The following BRD2 variants were observed in gnomAD, a reference collection of about 807,000 sequenced individuals.
BRD2 encodes bromodomain-containing protein 2.
Under a neutral mutation model 79.1 loss-of-function variants are expected in BRD2, and 15 were observed. The ratio of observed to expected loss-of-function variants is 0.19; its 90% CI spans 0.13 to 0.29. BRD2 has a LOEUF of 0.29. Among genes scored for constraint, BRD2 ranks in the 10% least tolerant of loss-of-function variants. The pLI is 1.00. For synonymous variants in BRD2, 488 were observed against 358.6 expected, an observed-to-expected ratio of 1.36 and a Z score of -4.08; for missense variants, 1,053 against 991.3, an observed-to-expected ratio of 1.06 and a Z score of -0.84.
chr6:32,980,975 C>G lies in BRD2; in HGVS notation c.*257C>G. On this transcript the variant is annotated 3_prime_UTR_variant, in exon 13 of 13. Coordinates refer to ENST00000374825, the MANE Select transcript of BRD2 (RefSeq NM_005104.4). ...CACAGAGCCCCCATTCAAAATGGGG[C>G]AGGGCAAGGGTGGGAGTGTGCAAAG... 1 of 521,302 alleles carries G rather than the reference C, an allele frequency of 1.9e-6. No homozygotes were observed. The highest frequency in any genetic ancestry group is 3.5e-6 in the Non-Finnish European group (1 of 288,446). 32.3% of individuals were successfully genotyped at this position (521,302 alleles called of 1,614,324 possible).
chr6:32,972,021 A>G lies in BRD2; in HGVS notation c.-878A>G, dbSNP rs542331525. The G allele has an allele frequency of 1.4e-6, 1 of 701,958 alleles. No individual in the cohort carries two copies. Among genetic ancestry groups the G allele is most frequent in the East Asian group, 2.7e-5 (1 of 37,212 alleles). The allele number at this position is 701,958 out of a possible 1,614,324, so 43.5% of individuals were successfully genotyped here. On this transcript the variant is annotated 5_prime_UTR_variant, in exon 2 of 13. Coordinates refer to ENST00000374825, the MANE Select transcript of BRD2 (RefSeq NM_005104.4). ...ATGACGTCATCGTTGCGGCTGGCCA[A>G]TAGAAAAAGCTCCCGCGGAGAGGTG...
chr6:32,973,112 T>C (rs1778251271), intron 2 of BRD2, 185 bp downstream of exon 2: 18 of 1,555,944 alleles, frequency 1.2e-5, no homozygotes, highest in Non-Finnish European at 1.5e-5. Flanking sequence ...CGGCTACTGC[T>C]CGTGGAGGGG....
intron 1 of BRD2, chr6:32,971,208 T>A (rs1186553910): frequency 5.8e-6 from 1 of 172,708 alleles, no homozygotes; most frequent in Admixed American, 6.3e-5. Context: ...GTGAGGTGTG[T>A]TGCATTGTAT....
chr6:32,975,232 A>G, intron 3 of BRD2, 152 bp from the exon 4 acceptor site: 1 of 1,214,228 alleles, frequency 8.2e-7, no homozygotes, highest in Non-Finnish European at 1.1e-6. Flanking sequence ...ATTTTGTCCC[A>G]CAGTTTAATT....
Position 32,974,673 on chromosome 6 carries a change from T to C in BRD2, c.241T>C (p.Tyr81His), listed in dbSNP as rs1461917311. Residue 81 changes from tyrosine to histidine, a missense_variant, in exon 3 of 13, where the codon TAC becomes CAC. Transcript: ENST00000374825. ...KPGRVTNQLQ[Y>H]LHKVVMKALW... ...AGGACGAGTTACCAACCAGCTGCAA[T>C]ACCTACACAAGGTAGTGATGAAGGC... 1 of 1,614,176 alleles carries C rather than the reference T, an allele frequency of 6.2e-7. No individual in the cohort carries two copies. Among genetic ancestry groups the C allele is most frequent in the Non-Finnish European group, 8.5e-7 (1 of 1,180,026 alleles).
In BRD2 at chr6:32,979,829, C is replaced by T. The variant is rs754425822; in HGVS notation, c.1843C>T (p.Leu615Phe). Reference protein sequence around the residue: ...FGPSGGSGTKLPKKATKTAPP... With the variant: ...FGPSGGSGTKFPKKATKTAPP... ...GCTGACAACTCTTTTTGCCCTTAGG[C>T]TCCCCAAAAAGGCCACAAAGACAGC... Residue 615 changes from leucine (L) to phenylalanine (F), a missense_variant and splice_region_variant, in exon 11 of 13, where the codon CTC becomes TTC. By Grantham distance (22) the Leu-to-Phe change is conservative (BLOSUM62 0). Coordinates refer to ENST00000374825, the MANE Select transcript of BRD2 (RefSeq NM_005104.4). 27 of 1,609,904 alleles carry T rather than the reference C, an allele frequency of 1.7e-5. 1 individual carries two copies. Among genetic ancestry groups the T allele is most frequent in the Non-Finnish European group, 6.8e-6 (8 of 1,178,574 alleles).
At chr6:32,973,002 G>C (rs1778230075) in intron 2 of BRD2, 75 bp downstream of exon 2, 1 of 1,613,544 alleles carries the variant, frequency 6.2e-7, no homozygotes. Context: ...CGCCGTGTTG[G>C]GAGTACTGAG....
Position 32,978,282 on chromosome 6 carries a change from C to G in BRD2, c.1735C>G (p.Pro579Ala), listed in dbSNP as rs778162067. Residue 579 changes from proline (P) to alanine (A), a missense_variant, in exon 10 of 13, where the codon CCC becomes GCC. Pro to Ala is a conservative substitution (Grantham distance 27, BLOSUM62 -1). Around this residue, in one of 5 missense-constraint regions of BRD2, gnomAD observed 454 missense variants for 430.5 expected, o/e 1.05. Transcript: ENST00000374825. ...TGAAGATGACAAGGGGCCTAGGGCA[C>G]CCCGCCCACCTCAACCTAAGAAGTC... Reference protein sequence around the residue: ...ADEDDKGPRAPRPPQPKKSKK... With the variant: ...ADEDDKGPRAARPPQPKKSKK... 8.1e-6 allele frequency: 13 copies of G among 1,612,866 alleles called. No homozygotes were observed. The highest frequency in any genetic ancestry group is 1.1e-5 in the Non-Finnish European group (13 of 1,180,028).
At chr6:32,977,309 A>T (rs770308772) in intron 7 of BRD2, 133 bp from the exon 8 acceptor site, 2 of 1,600,768 alleles carry the variant, frequency 1.2e-6, no homozygotes, top group East Asian at 4.5e-5. Flanking sequence ...TCAAACTTGA[A>T]CCCCAGGGCA....
chr6:32,977,391 A>G (rs1778906150), intron 7 of BRD2, 51 bp from the exon 8 acceptor site: 2 of 1,612,680 alleles, frequency 1.2e-6, no homozygotes, highest in Non-Finnish European at 1.7e-6. Flanking sequence ...GTTGGCAGGG[A>G]AAGGTGAGTC....
chr6:32,976,079 C>T lies in BRD2; in HGVS notation c.520C>T (p.Leu174=), dbSNP rs370287964. 3.7e-6 allele frequency: 6 copies of T among 1,612,756 alleles called. No homozygotes were observed. Among genetic ancestry groups the T allele is most frequent in the South Asian group, 1.1e-5 (1 of 91,038 alleles). The stretch of plus-strand genomic sequence containing the variant: ...GGCACAAACGCTGGAAAAGATATTC[C>T]TACAGAAGGTTGCATCAATGCCACA... ...LMAQTLEKIF[L]QKVASMPQEE... The change falls in exon 5 of 13, where the codon CTA becomes TTA. Residue 174 remains leucine, a synonymous_variant. Coordinates refer to ENST00000374825, the MANE Select transcript of BRD2 (RefSeq NM_005104.4).
In BRD2 at chr6:32,980,409, G is replaced by A; in HGVS notation, c.2214G>A (p.Lys738=). 6.2e-7 allele frequency: 1 copy of A among 1,613,098 alleles called. No individual in the cohort carries two copies. The highest frequency in any genetic ancestry group is 8.5e-7 in the Non-Finnish European group (1 of 1,180,030). ...TGGAGAAAAAGCGGGAATTAGAAAA[G>A]CGGTTACAAGATGTCAGCGGACAGC... ...LALEKKRELE[K]RLQDVSGQLN... is the part of the protein sequence containing the mutation. The change falls in exon 12 of 13, where the codon AAG becomes AAA. Residue 738 remains lysine, a synonymous_variant. Transcript: ENST00000374825.
At chr6:32,974,395 C>A in intron 2 of BRD2, 67 bp from the exon 3 acceptor site, 1 of 1,502,308 alleles carries the variant, frequency 6.7e-7, no homozygotes, top group Non-Finnish European at 9.1e-7. Flanking sequence ...ATTCATCAGA[C>A]TATTGTGCAG....
chr6:32,976,046 G>A lies in BRD2; in HGVS notation c.487G>A (p.Val163Ile). 2 of 1,609,538 alleles carry A rather than the reference G, an allele frequency of 1.2e-6. No homozygotes were observed. Among genetic ancestry groups the A allele is most frequent in the South Asian group, 1.1e-5 (1 of 90,394 alleles). The change falls in exon 5 of 13, where the codon GTC becomes ATC. Residue 163 changes from valine (V) to isoleucine (I), a missense_variant. By Grantham distance (29) the Val-to-Ile change is conservative (BLOSUM62 3). Around this residue, in one of 5 missense-constraint regions of BRD2, gnomAD observed 413 missense variants for 335.1 expected, o/e 1.23. Coordinates refer to ENST00000374825, the MANE Select transcript of BRD2 (RefSeq NM_005104.4). ...GTTCTCATAGCCCACTGATGATATT[G>A]TCCTAATGGCACAAACGCTGGAAAA... is the stretch of plus-strand genomic sequence containing the variant. ...YIYNKPTDDI[V>I]LMAQTLEKIF...
At chr6:32,977,309 A>G in intron 7 of BRD2, 133 bp from the exon 8 acceptor site, 1 of 1,600,768 alleles carries the variant, frequency 6.2e-7, no homozygotes, top group Non-Finnish European at 8.5e-7. Flanking sequence ...TCAAACTTGA[A>G]CCCCAGGGCA....
intron 7 of BRD2, 60 bp from the exon 8 acceptor site, chr6:32,977,381 GT>G (rs775373162): frequency 6.2e-7 from 1 of 1,612,382 alleles, no homozygotes; most frequent in South Asian, 1.1e-5. Flanking sequence ...GGTGTCTGGG[GT>G]TGGCAGGGAA....
In BRD2 at chr6:32,975,897, T is replaced by C. The variant is rs1285445992; in HGVS notation, c.472-134T>C. ...GTGGCCTGGAGTAGGAAATTTTCTT[T>C]AAGATTTGATGACAAGATGACTGGT... is the stretch of plus-strand genomic sequence containing the variant. On this transcript the variant is annotated intron_variant, in intron 4 of 12. Coordinates refer to ENST00000374825, the MANE Select transcript of BRD2 (RefSeq NM_005104.4). 4 of 1,102,816 alleles carry C rather than the reference T, an allele frequency of 3.6e-6. No homozygotes were observed. The African/African-American group carries it at 4.8e-5, about 13-fold the overall frequency. 68.3% of individuals were successfully genotyped at this position (1,102,816 alleles called of 1,614,324 possible).
chr6:32,972,957 G>A (rs1386046377), intron 2 of BRD2, 30 bp downstream of exon 2: 1 of 1,614,030 alleles, frequency 6.2e-7, no homozygotes, highest in South Asian at 1.1e-5. Context: ...GTGTGGGAAG[G>A]GGATGTTGCA....
intron 10 of BRD2, chr6:32,978,847 CT>C (rs151013983): frequency 0.12 from 19,814 of 171,668 alleles, 1,504 homozygotes; most frequent in African/African-American, 0.22. Context: ...TTCACAGCTA[CT>C]CTGACAGTGA....
Sources: gnomAD v4.1 joint callset for allele counts on GRCh38, gnomAD v4.1.1 for gene constraint, gnomAD v4.1.1 regional missense constraint, MANE v1.5 for transcripts, NCBI Gene and HGNC (gene_info 2026-07-23, HGNC 2026-07-21) for gene names.